COBL: variants seen among roughly 807,000 people sequenced by gnomAD.
COBL encodes protein cordon-bleu.
In COBL, 51 loss-of-function variants were observed where a neutral mutation model predicts 98.8. The ratio of observed to expected loss-of-function variants is 0.52; its 90% CI spans 0.41 to 0.65. The LOEUF (loss-of-function observed/expected upper bound fraction) is 0.65. Ranked by LOEUF, COBL falls within the 30% of genes least tolerant of loss-of-function variation. The pLI is 0.00. For missense variants in COBL, 1,617 were observed against 1,617.5 expected, an observed-to-expected ratio of 1.00 and a Z score of 0.01; for synonymous variants, 634 against 651.7, an observed-to-expected ratio of 0.97 and a Z score of 0.41.
At chr7:51,159,697 AT>A (rs1323355228) in intron 5 of COBL, among the ~76,000 whole-genome samples, 1 of 151,996 alleles carries the variant, frequency 6.6e-6, no homozygotes, top group South Asian at 2.1e-4. Context: ...ATCTACATTT[AT>A]TTTTTTCCCT....
At position 51,264,841 on chromosome 7, in the gene COBL, T is replaced by C. The variant is rs1285308233; in HGVS notation, c.42-44897A>G. On this transcript the variant is annotated intron_variant, in intron 1 of 12. Transcript: ENST00000265136. The stretch of plus-strand genomic sequence containing the variant: ...GTTGGAGTGTACACCAAAGGTTCAT[T>C]ACATTGTTCTCTCTCATACACATGT... Among the ~76,000 whole-genome samples the C allele has an allele frequency of 2.0e-5, 3 of 152,176 alleles. 1 individual carries two copies. Among genetic ancestry groups the C allele is most frequent in the African/African-American group, 7.2e-5 (3 of 41,450 alleles).
At chr7:51,261,567 A>G (rs1797720859) in intron 1 of COBL, among the ~76,000 whole-genome samples, 1 of 152,138 alleles carries the variant, frequency 6.6e-6, no homozygotes, top group Admixed American at 6.5e-5. Context: ...TTTGGTGGAG[A>G]GCTGACGCAC....
chr7:51,204,823 A>G (rs1295544172), intron 2 of COBL, among the ~76,000 whole-genome samples: 1 of 152,230 alleles, frequency 6.6e-6, no homozygotes, highest in Non-Finnish European at 1.5e-5. Flanking sequence ...TGCTGGGATT[A>G]CAGGTGTGAG....
At chr7:51,117,968 C>CA (rs973757347) in intron 6 of COBL, among the ~76,000 whole-genome samples, 17 of 152,286 alleles carry the variant, frequency 1.1e-4, no homozygotes, top group African/African-American at 3.6e-4. Flanking sequence ...GGTATCTGTC[C>CA]TTTTCATGCA....
chr7:51,127,536 G>A (rs1447593127), intron 6 of COBL, among the ~76,000 whole-genome samples: 2 of 152,210 alleles, frequency 1.3e-5, no homozygotes, highest in Non-Finnish European at 2.9e-5. Context: ...GTATGAGGTC[G>A]GGGAAAGGAT....
rs1248996242 is a variant in COBL, at chr7:51,029,535, C to T, written c.1561G>A (p.Ala521Thr). The T allele has an allele frequency of 1.2e-6, 2 of 1,613,162 alleles. No homozygotes were observed. Among genetic ancestry groups the T allele is most frequent in the Non-Finnish European group, 8.5e-7 (1 of 1,179,300 alleles). The change falls in exon 10 of 13, where the codon GCA (alanine) becomes ACA (threonine). Residue 521 changes from alanine to threonine, a missense_variant. By Grantham distance (58) the Ala-to-Thr change is moderately conservative. This residue lies in a region of COBL where 1,304 missense variants were observed against 1,282.0 expected (regional missense o/e 1.02). Transcript: ENST00000265136. Reference sequence around the variant, plus strand: ...GCATCCTGTGGGCAGTGGTTGGATGCACCATGGATGGAGCTGGTGAGGGAG... The same window carrying T: ...GCATCCTGTGGGCAGTGGTTGGATGTACCATGGATGGAGCTGGTGAGGGAG... ...TSSLTSSIHG[A>T]SNHCPQDAMI...
At chr7:51,185,597 A>G (rs1254767129) in intron 4 of COBL, among the ~76,000 whole-genome samples, 1 of 152,236 alleles carries the variant, frequency 6.6e-6, no homozygotes, top group Non-Finnish European at 1.5e-5. Flanking sequence ...AGATATGACA[A>G]GAAGAAGGAA....
intron 1 of COBL, among the ~76,000 whole-genome samples, chr7:51,247,845 C>T (rs1375823777): frequency 1.3e-5 from 2 of 152,164 alleles, no homozygotes; most frequent in African/African-American, 4.8e-5. Flanking sequence ...AAACACAAGG[C>T]CAGGCGCAAT....
chr7:51,183,618 C>G (rs1789206592), intron 5 of COBL, among the ~76,000 whole-genome samples: 2 of 152,102 alleles, frequency 1.3e-5, no homozygotes, highest in South Asian at 4.1e-4. Context: ...ATCAGGAGGA[C>G]CAAAGAACAT....
chr7:51,161,148 G>T (rs1399109699), intron 5 of COBL, among the ~76,000 whole-genome samples: 2 of 152,140 alleles, frequency 1.3e-5, no homozygotes, highest in African/African-American at 4.8e-5. Flanking sequence ...AAACAGAACA[G>T]ATTTGAGCTT....
intron 5 of COBL, among the ~76,000 whole-genome samples, chr7:51,138,861 T>C (rs1406591306): frequency 1.3e-5 from 2 of 152,188 alleles, no homozygotes; most frequent in South Asian, 2.1e-4. Flanking sequence ...ATCTAATTGC[T>C]TGTCTTCATT....
At chr7:51,263,623 C>A (rs1797919726) in intron 1 of COBL, among the ~76,000 whole-genome samples, 2 of 151,842 alleles carry the variant, frequency 1.3e-5, no homozygotes, top group South Asian at 2.1e-4. Flanking sequence ...TTAGTTGAAG[C>A]TTTAGTACCT....
intron 2 of COBL, among the ~76,000 whole-genome samples, chr7:51,218,057 T>C (rs750948145): frequency 3.3e-5 from 5 of 152,230 alleles, no homozygotes; most frequent in Non-Finnish European, 7.3e-5. Flanking sequence ...CCTCCCATTC[T>C]AGCCCAGTGG....
intron 2 of COBL, among the ~76,000 whole-genome samples, chr7:51,201,239 C>CA (rs1157303332): frequency 0.043 from 2,442 of 57,102 alleles, 36 homozygotes; most frequent in Non-Finnish European, 0.07. Context: ...GACTCCGTCT[C>CA]AAAAAAAAAA....
At chr7:51,066,475 G>C (rs1301087131) in intron 7 of COBL, among the ~76,000 whole-genome samples, 1 of 152,154 alleles carries the variant, frequency 6.6e-6, no homozygotes. Context: ...CAGGTGCTTG[G>C]GACCAGACTG....
At chr7:51,188,167 G>C (rs919897521) in intron 4 of COBL, among the ~76,000 whole-genome samples, 5 of 152,256 alleles carry the variant, frequency 3.3e-5, no homozygotes, top group Non-Finnish European at 7.3e-5. Context: ...GACGCAGGTG[G>C]CAGCAGAGCC....
chr7:51,230,351 C>T (rs1012388043), intron 1 of COBL, among the ~76,000 whole-genome samples: 1 of 152,182 alleles, frequency 6.6e-6, no homozygotes, highest in Non-Finnish European at 1.5e-5. Flanking sequence ...GCCAAGGTTT[C>T]TACCTCATTG....
chr7:51,210,197 C>A (rs1010475733), intron 2 of COBL, among the ~76,000 whole-genome samples: 85 of 152,296 alleles, frequency 5.6e-4, no homozygotes, highest in African/African-American at 2.0e-3. Flanking sequence ...AGCAAGTGCT[C>A]CTCATGTGAA....
chr7:51,122,650 A>C (rs1797843567), intron 6 of COBL, among the ~76,000 whole-genome samples: 1 of 152,206 alleles, frequency 6.6e-6, no homozygotes, highest in African/African-American at 2.4e-5. Context: ...AATTTACTAA[A>C]ATGGCAGATA....
Sources: gnomAD v4.1 joint callset for allele counts (sites outside exome capture counted in the v4.1 genomes callset) on GRCh38, gnomAD v4.1.1 for gene constraint, gnomAD v4.1.1 regional missense constraint, MANE v1.5 for transcripts, NCBI Gene and HGNC (gene_info 2026-07-23, HGNC 2026-07-21) for gene names.